The following ITPRID1 variants were observed in gnomAD, a reference collection of about 807,000 sequenced individuals.
ITPRID1 encodes the protein protein ITPRID1.
In ITPRID1, 96 loss-of-function variants were observed where a neutral mutation model predicts 95.4. The ratio of observed to expected loss-of-function variants is 1.01; its 90% confidence interval spans 0.85 to 1.19. The LOEUF (loss-of-function observed/expected upper bound fraction) is 1.19. Ranked by LOEUF, ITPRID1 falls within the 50% of genes most tolerant of loss-of-function variation. ITPRID1 has a pLI of 0.00. For synonymous variants in ITPRID1, 510 were observed against 453.6 expected, an observed-to-expected ratio of 1.12 and a Z score of -1.58; for missense variants, 1,339 against 1,252.9, an observed-to-expected ratio of 1.07 and a Z score of -1.04.
At chr7:31,547,761 C>T (rs1005157924) in intron 1 of ITPRID1, among the ~76,000 whole-genome samples, 1 of 152,026 alleles carries the variant, frequency 6.6e-6, no homozygotes, top group African/African-American at 2.4e-5. Flanking sequence ...TGAGATGAAG[C>T]ACACTAGAAT....
intron 10 of ITPRID1, among the ~76,000 whole-genome samples, chr7:31,599,518 T>C (rs1356241646): frequency 2.0e-5 from 3 of 152,168 alleles, no homozygotes; most frequent in Non-Finnish European, 4.4e-5. Context: ...CTGAAGTAAT[T>C]ATGGCAAAAT....
chr7:31,521,689 C>CCTTCCTT (rs1783264142), intron 1 of ITPRID1, among the ~76,000 whole-genome samples: 1 of 111,292 alleles, frequency 9.0e-6, no homozygotes, highest in African/African-American at 3.4e-5. Context: ...CTTCCTTCCT[C>CCTTCCTT]CTTTATTCCC....
At chr7:31,521,830 C>A (rs1157499356) in intron 1 of ITPRID1, among the ~76,000 whole-genome samples, 1 of 151,494 alleles carries the variant, frequency 6.6e-6, no homozygotes, top group Non-Finnish European at 1.5e-5. Context: ...CTCAAGTGAT[C>A]CTCCCATCTC....
rs13230290 is a variant in ITPRID1 at position 31,593,036 on chromosome 7, G to A, written c.1228+9845G>A. The stretch of plus-strand genomic sequence containing the variant: ...AATTAACAATCGCGCTGGGCACAGC[G>A]TCTCATGCCTGTAATCCTGACACTT... On this transcript the variant is annotated intron_variant, in intron 10 of 14. Transcript: ENST00000615280. Among the ~76,000 whole-genome samples the A allele has an allele frequency of 3.9e-3, 587 of 152,236 alleles. 3 individuals carry two copies. The highest frequency in any genetic ancestry group is 6.8e-3 in the Middle Eastern group (2 of 294).
chr7:31,583,322 A>C, intron 10 of ITPRID1, 131 bp downstream of exon 10: 1 of 603,868 alleles, frequency 1.7e-6, no homozygotes, highest in Non-Finnish European at 2.8e-6. Context: ...GCATCTTCTG[A>C]GATATTAAAA....
At chr7:31,624,622 C>T (rs1194951483) in intron 10 of ITPRID1, among the ~76,000 whole-genome samples, 1 of 148,952 alleles carries the variant, frequency 6.7e-6, no homozygotes, top group African/African-American at 2.5e-5. Context: ...AAGATCAATT[C>T]AAGATGGATT....
chr7:31,517,328 A>C (rs1370288162), intron 1 of ITPRID1: 3 of 152,336 alleles, frequency 2.0e-5, no homozygotes, highest in Admixed American at 2.0e-4. Context: ...TGCGTTTACA[A>C]ACCTTTAGCT....
chr7:31,555,233 T>C (rs763891588), intron 5 of ITPRID1: 14 of 184,638 alleles, frequency 7.6e-5, no homozygotes, highest in Non-Finnish European at 1.5e-4. Flanking sequence ...TCCTGTATTA[T>C]ACTTTTATTT....
chr7:31,545,151 T>C (rs967471754), intron 1 of ITPRID1, among the ~76,000 whole-genome samples: 3 of 152,278 alleles, frequency 2.0e-5, no homozygotes, highest in African/African-American at 7.2e-5. Flanking sequence ...AAGAAGTTTC[T>C]ATAGAATAAG....
chr7:31,520,541 G>GTC (rs1783210575), intron 1 of ITPRID1, among the ~76,000 whole-genome samples: 1 of 113,018 alleles, frequency 8.8e-6, no homozygotes, highest in Non-Finnish European at 1.7e-5. Flanking sequence ...GTGTGTGTGT[G>GTC]TGTGTGTGTG....
At chr7:31,527,896 C>G (rs1263584822) in intron 1 of ITPRID1, among the ~76,000 whole-genome samples, 1 of 152,084 alleles carries the variant, frequency 6.6e-6, no homozygotes, top group East Asian at 1.9e-4. Context: ...GCAGACAGAC[C>G]TGAAAGGGAA....
rs567932364 is a variant in ITPRID1, at chr7:31,651,308, C to A, written c.2711+39C>A. ...GGAGCCATAAAAGTAAGTACCAGCCCACACACCTGGAGCAAGGAAGATAAT... is the reference window on the plus strand; with the variant it reads ...GGAGCCATAAAAGTAAGTACCAGCCAACACACCTGGAGCAAGGAAGATAAT... On this transcript the variant is annotated intron_variant, in intron 13 of 14. Transcript: ENST00000615280. 8.1e-6 allele frequency: 13 copies of A among 1,603,224 alleles called. No individual in the cohort carries two copies. In the South Asian group the frequency reaches 1.3e-4, roughly 17 times the overall value.
intron 1 of ITPRID1, among the ~76,000 whole-genome samples, chr7:31,547,269 G>A (rs867805207): frequency 1.3e-5 from 2 of 152,168 alleles, no homozygotes; most frequent in African/African-American, 4.8e-5. Flanking sequence ...AATGGCTCCC[G>A]TATTAGTGAG....
intron 5 of ITPRID1, among the ~76,000 whole-genome samples, chr7:31,556,021 T>C (rs1340736311): frequency 6.6e-6 from 1 of 152,106 alleles, no homozygotes; most frequent in Non-Finnish European, 1.5e-5. Context: ...TTCAGAAAAA[T>C]AGCCAGCATT....
rs574376304 is a variant in ITPRID1 at position 31,603,494 on chromosome 7, T to C, written c.1228+20303T>C. On this transcript the variant is annotated intron_variant, in intron 10 of 14. Coordinates refer to ENST00000615280, the MANE Select transcript of ITPRID1 (RefSeq NM_001257967.3). ...TAATTGACTGAGTATGTTCCAATAG[T>C]GTGAAGCCTGGTATTATTCACTCTC... 3.3e-5 allele frequency among the ~76,000 whole-genome samples: 5 copies of C among 152,238 alleles called. No homozygotes were observed. In the South Asian group the frequency reaches 1.0e-3, roughly 32 times the overall value.
Position 31,653,966 on chromosome 7 carries a change from G to GT in ITPRID1, c.*1138dup, listed in dbSNP as rs1184082679. On this transcript the variant is annotated 3_prime_UTR_variant, in exon 15 of 15. Coordinates refer to ENST00000615280, the MANE Select transcript of ITPRID1 (RefSeq NM_001257967.3). ...GGAGTACTGATGAAACACCTACTGTGTGCAGGCTACTATTCTAGTGCTGGA... is the reference window on the plus strand; with the variant it reads ...GGAGTACTGATGAAACACCTACTGTGTTGCAGGCTACTATTCTAGTGCTGGA... Among the ~76,000 whole-genome samples the GT allele has an allele frequency of 6.6e-6, 1 of 150,928 alleles. No individual in the cohort carries two copies. Among genetic ancestry groups the GT allele is most frequent in the African/African-American group, 2.4e-5 (1 of 41,064 alleles).
At chr7:31,625,828 T>TA (rs544684335) in intron 10 of ITPRID1, among the ~76,000 whole-genome samples, 30 of 152,060 alleles carry the variant, frequency 2.0e-4, no homozygotes, top group South Asian at 1.0e-3. Flanking sequence ...TCTTTTTTTT[T>TA]AAATTTTTTC....
intron 1 of ITPRID1, among the ~76,000 whole-genome samples, chr7:31,528,377 C>G (rs1397988625): frequency 6.6e-6 from 1 of 152,162 alleles, no homozygotes; most frequent in Non-Finnish European, 1.5e-5. Context: ...CAGTTCTGGC[C>G]ATGGCATTTC....
At chr7:31,591,859 G>T (rs543488095) in intron 10 of ITPRID1, among the ~76,000 whole-genome samples, 4 of 152,036 alleles carry the variant, frequency 2.6e-5, no homozygotes, top group African/African-American at 9.7e-5. Context: ...AACAAAAATG[G>T]TAGTTACTAA....
Sources: gnomAD v4.1 joint callset for allele counts (sites outside exome capture counted in the v4.1 genomes callset) on GRCh38, gnomAD v4.1.1 for gene constraint, MANE v1.5 for transcripts, NCBI Gene and HGNC (gene_info 2026-07-23, HGNC 2026-07-21) for gene names.